ZNF106: variants seen among roughly 807,000 people sequenced by gnomAD.
ZNF106 encodes the protein SH3-domain binding protein 3.
Under a neutral mutation model 195.1 loss-of-function variants are expected in ZNF106, and 67 were observed. That is an observed-to-expected ratio of 0.34 (90% CI 0.28 to 0.42). ZNF106 has a LOEUF of 0.42. ZNF106 is among the 10% of genes least tolerant of loss of function. The pLI, the probability that ZNF106 is intolerant of heterozygous loss-of-function variation, is 1.00. For missense variants in ZNF106, 2,118 were observed against 2,304.5 expected (o/e 0.92, Z 1.66); for synonymous variants, 784 against 818.6 (o/e 0.96, Z 0.72).
At chr15:42,477,536 G>A (rs993539276) in intron 1 of ZNF106, among the ~76,000 whole-genome samples, 2 of 152,150 alleles carry the variant, frequency 1.3e-5, no homozygotes, top group Non-Finnish European at 2.9e-5. Context: ...TTGAAGCCAG[G>A]AATTCAAGAC....
rs537931723 is a variant in ZNF106 at position 42,416,627 on chromosome 15, A to C, written c.*677T>G. 2 of 152,352 alleles carry C rather than the reference A, an allele frequency of 1.3e-5. No homozygotes were observed. Among genetic ancestry groups the C allele is most frequent in the East Asian group, 3.9e-4 (2 of 5,184 alleles). The allele number at this position is 152,352 out of a possible 1,614,324, so 9.4% of individuals were successfully genotyped here. ...TCCACATTTACAGAGATTTACTAGA[A>C]GTGGTGTCTGTAAGGACTTGTCACT... On this transcript the variant is annotated 3_prime_UTR_variant, in exon 22 of 22. Transcript: ENST00000564754.
At chr15:42,487,186 T>C (rs1157159186) in intron 1 of ZNF106, among the ~76,000 whole-genome samples, 1 of 151,388 alleles carries the variant, frequency 6.6e-6, no homozygotes, top group South Asian at 2.1e-4. Context: ...AAAAAGCTTA[T>C]AGGGAAAATA....
Position 42,450,181 on chromosome 15 carries a change from T to C in ZNF106, c.2091A>G (p.Leu697=), listed in dbSNP as rs765855370. ...TAGAGTCATCAACCTGTGCATCTTC[T>C]AGAGAGGTTTTCAAGTCTAGCAATA... ...PGLLLDLKTS[L]EDAQVDDSIK... Residue 697 remains leucine (L), a synonymous_variant, in exon 5 of 22, where the codon CTA becomes CTG. Coordinates refer to ENST00000564754, the MANE Select transcript of ZNF106 (RefSeq NM_001366845.3). The C allele has an allele frequency of 3.3e-5, 53 of 1,614,090 alleles. No homozygotes were observed. Among genetic ancestry groups the C allele is most frequent in the Non-Finnish European group, 4.5e-5 (53 of 1,180,044 alleles).
At position 42,439,157 on chromosome 15, in the gene ZNF106, G is replaced by A. The variant is rs1482353091; in HGVS notation, c.4420C>T (p.Pro1474Ser). ...SESGEEKPDS[P>S]SKKDIWNSTE... ...GAGTTCCAAATATCCTTTTTAGATG[G>A]GCTGTCTGGTTTCTCTTCTCCTGAT... The change falls in exon 11 of 22, where the codon CCA becomes TCA. Residue 1474 changes from proline to serine, a missense_variant. Physicochemically the swap from Pro to Ser is moderately conservative, Grantham distance 74 (BLOSUM62 -1). Transcript: ENST00000564754. 6.2e-7 allele frequency: 1 copy of A among 1,614,020 alleles called. No individual in the cohort carries two copies. The highest frequency in any genetic ancestry group is 8.5e-7 in the Non-Finnish European group (1 of 1,180,012).
intron 2 of ZNF106, 68 bp downstream of exon 2, chr15:42,472,168 A>G: frequency 3.0e-6 from 4 of 1,339,236 alleles, no homozygotes; most frequent in Non-Finnish European, 4.1e-6. Context: ...TATTAATAAC[A>G]TCTATTAATA....
At chr15:42,478,429 TG>T (rs2056830112) in intron 1 of ZNF106, among the ~76,000 whole-genome samples, 1 of 151,980 alleles carries the variant, frequency 6.6e-6, no homozygotes, top group Non-Finnish European at 1.5e-5. Context: ...CCCAAAGTGT[TG>T]GGATTACAGG....
intron 4 of ZNF106, among the ~76,000 whole-genome samples, chr15:42,456,237 G>A (rs2056221177): frequency 6.6e-6 from 1 of 152,142 alleles, no homozygotes; most frequent in African/African-American, 2.4e-5. Flanking sequence ...AGACTACACT[G>A]TTATTTTGGC....
intron 3 of ZNF106, among the ~76,000 whole-genome samples, chr15:42,459,915 C>T (rs1237120444): frequency 6.6e-6 from 1 of 151,650 alleles, no homozygotes; most frequent in Non-Finnish European, 1.5e-5. Flanking sequence ...TGGTGGCACA[C>T]GCCTGTAATC....
At chr15:42,432,243 C>T (rs2055075394) in intron 14 of ZNF106, among the ~76,000 whole-genome samples, 1 of 152,190 alleles carries the variant, frequency 6.6e-6, no homozygotes. Flanking sequence ...ACTATAACCT[C>T]AAATTCCTCA....
chr15:42,463,136 G>A (rs758708127), intron 3 of ZNF106, among the ~76,000 whole-genome samples: 3 of 151,984 alleles, frequency 2.0e-5, no homozygotes, highest in African/African-American at 4.8e-5. Context: ...GATTAGTGAC[G>A]TCTGAAATAA....
intron 1 of ZNF106, among the ~76,000 whole-genome samples, chr15:42,477,357 C>G (rs1033884959): frequency 2.6e-5 from 4 of 152,104 alleles, no homozygotes; most frequent in Non-Finnish European, 4.4e-5. Flanking sequence ...TTTTTTAGTA[C>G]TTTTTAATAA....
intron 1 of ZNF106, among the ~76,000 whole-genome samples, chr15:42,487,893 G>C (rs1439055411): frequency 1.3e-5 from 2 of 151,994 alleles, no homozygotes; most frequent in African/African-American, 4.8e-5. Context: ...GTTGTCCCTC[G>C]ATATCCATGG....
intron 3 of ZNF106, among the ~76,000 whole-genome samples, chr15:42,462,574 G>A (rs1252740476): frequency 6.6e-6 from 1 of 152,052 alleles, no homozygotes; most frequent in Non-Finnish European, 1.5e-5. Context: ...CTCCAGCTTG[G>A]GCTACGAGTG....
At chr15:42,418,347 A>G (rs2141250162) in intron 20 of ZNF106, among the ~76,000 whole-genome samples, 1 of 148,308 alleles carries the variant, frequency 6.7e-6, no homozygotes, top group South Asian at 2.1e-4. Flanking sequence ...TTCCTATAAT[A>G]TCGAAAGGGC....
chr15:42,471,952 C>T (rs1159366638), intron 2 of ZNF106, among the ~76,000 whole-genome samples: 1 of 152,052 alleles, frequency 6.6e-6, no homozygotes, highest in East Asian at 1.9e-4. Flanking sequence ...AGGTATCTTC[C>T]CTATAACTGG....
intron 17 of ZNF106, among the ~76,000 whole-genome samples, chr15:42,423,555 T>C (rs1388841271): frequency 1.3e-5 from 2 of 151,914 alleles, no homozygotes; most frequent in South Asian, 4.2e-4. Context: ...AAAAAAAAAT[T>C]TTTTTTAAGA....
chr15:42,438,702 G>A (rs549544841), intron 11 of ZNF106, 35 bp from the exon 12 acceptor site: 1 of 1,596,930 alleles, frequency 6.3e-7, no homozygotes, highest in Non-Finnish European at 8.6e-7. Flanking sequence ...CTCAGCATCT[G>A]TGTGAACAGG....
intron 3 of ZNF106, among the ~76,000 whole-genome samples, chr15:42,461,983 G>C (rs921425232): frequency 2.0e-5 from 3 of 152,096 alleles, no homozygotes; most frequent in African/African-American, 7.2e-5. Flanking sequence ...CTACCTGTTT[G>C]TCTTCTCTCT....
chr15:42,421,793 C>A (rs2054666344), intron 19 of ZNF106, 124 bp downstream of exon 19: 1 of 662,044 alleles, frequency 1.5e-6, no homozygotes, highest in Non-Finnish European at 2.4e-6. Context: ...CCCTATTATG[C>A]CAAGAGATGG....
Sources: gnomAD v4.1 joint callset for allele counts (sites outside exome capture counted in the v4.1 genomes callset) on GRCh38, gnomAD v4.1.1 for gene constraint, MANE v1.5 for transcripts, NCBI Gene and HGNC (gene_info 2026-07-23, HGNC 2026-07-21) for gene names.